DGKG: variants seen among roughly 807,000 people sequenced by gnomAD.
DGKG encodes the protein DAG kinase gamma.
Under a neutral mutation model 105.3 loss-of-function variants are expected in DGKG, and 78 were observed. That is an observed-to-expected ratio of 0.74 (90% CI 0.62 to 0.89). The LOEUF is 0.89. Among genes scored for constraint, DGKG ranks in the 40% least tolerant of loss-of-function variants. DGKG has a pLI of 0.00. For synonymous variants in DGKG, 346 were observed against 367.1 expected (o/e 0.94, Z 0.66); for missense variants, 958 against 1,020.1 (o/e 0.94, Z 0.83).
intron 1 of DGKG, among the ~76,000 whole-genome samples, chr3:186,355,260 A>ACTATCGCCAACTCCCC (rs1553826150): frequency 6.6e-6 from 1 of 151,550 alleles, no homozygotes; most frequent in Non-Finnish European, 1.5e-5. Flanking sequence ...CACCAACACC[A>ACTATCGCCAACTCCCC]ACACCACTAC....
chr3:186,185,823 A>G (rs1717600101), intron 22 of DGKG, among the ~76,000 whole-genome samples: 2 of 152,108 alleles, frequency 1.3e-5, no homozygotes, highest in Non-Finnish European at 2.9e-5. Flanking sequence ...GAGGCCGGGC[A>G]TGGTTCTTCA....
chr3:186,297,631 T>G, intron 4 of DGKG, 148 bp from the exon 5 acceptor site: 1 of 644,036 alleles, frequency 1.6e-6, no homozygotes, highest in Non-Finnish European at 2.8e-6. Context: ...GCTCGCTTAT[T>G]GGGATTGGCT....
In DGKG at chr3:186,269,222, G is replaced by T. The variant is rs1335400619; in HGVS notation, c.1000-305C>A. ...GTCTGGCAGTCCATCTGTTTGTCTT[G>T]CAGAACGCCTTGCAGAGTGATGTGT... On this transcript the variant is annotated intron_variant, in intron 11 of 24. Transcript: ENST00000265022. Among the ~76,000 whole-genome samples the T allele has an allele frequency of 2.0e-5, 3 of 152,256 alleles. 1 individual carries two copies. Among genetic ancestry groups the T allele is most frequent in the African/African-American group, 7.2e-5 (3 of 41,470 alleles).
chr3:186,163,126 C>G (rs1716379845), intron 23 of DGKG, among the ~76,000 whole-genome samples: 1 of 152,160 alleles, frequency 6.6e-6, no homozygotes, highest in Non-Finnish European at 1.5e-5. Flanking sequence ...CTACCTCAAC[C>G]TCCTGAGTAG....
intron 5 of DGKG, among the ~76,000 whole-genome samples, chr3:186,295,887 A>G (rs1029481895): frequency 2.6e-5 from 4 of 152,126 alleles, no homozygotes; most frequent in Admixed American, 2.0e-4. Context: ...TGGGTGGATC[A>G]CTTGAGGTCA....
chr3:186,262,057 T>TA, intron 14 of DGKG: 1 of 333,562 alleles, frequency 3.0e-6, no homozygotes, highest in Non-Finnish European at 5.6e-6. Context: ...TGACGTGGTC[T>TA]TGTACCTACA....
Position 186,270,070 on chromosome 3 carries a change from C to A in DGKG, c.1000-1153G>T, listed in dbSNP as rs181069854. On this transcript the variant is annotated intron_variant, in intron 11 of 24. Transcript: ENST00000265022. ...ACCCTGAAGTGCCTAGCCACAAGCA[C>A]GGTATTAAAAACCCAGGAAATATCT... Among the ~76,000 whole-genome samples, 248 of 152,136 alleles carry A rather than the reference C, an allele frequency of 1.6e-3. 2 individuals carry two copies. Among genetic ancestry groups the A allele is most frequent in the African/African-American group, 5.2e-3 (214 of 41,434 alleles).
At chr3:186,243,151 T>G (rs553628546) in intron 19 of DGKG, among the ~76,000 whole-genome samples, 1 of 151,726 alleles carries the variant, frequency 6.6e-6, no homozygotes, top group African/African-American at 2.4e-5. Flanking sequence ...ATATTAAGTC[T>G]TAACCATCCA....
At chr3:186,273,197 A>G (rs971158777) in intron 10 of DGKG, among the ~76,000 whole-genome samples, 7 of 152,110 alleles carry the variant, frequency 4.6e-5, no homozygotes, top group African/African-American at 1.7e-4. Context: ...TGTGTAAAGC[A>G]TCACGTGTCT....
At chr3:186,304,609 G>A (rs1310058972) in intron 3 of DGKG, among the ~76,000 whole-genome samples, 1 of 152,198 alleles carries the variant, frequency 6.6e-6, no homozygotes, top group Non-Finnish European at 1.5e-5. Flanking sequence ...GCAGGGAAAA[G>A]GGAATTGAGT....
At chr3:186,348,336 T>C (rs1348587446) in intron 1 of DGKG, among the ~76,000 whole-genome samples, 5 of 150,076 alleles carry the variant, frequency 3.3e-5, no homozygotes, top group African/African-American at 1.2e-4. Context: ...CATTTTTTAA[T>C]AAAGGATTTT....
chr3:186,256,130 C>T (rs919509126), intron 17 of DGKG, among the ~76,000 whole-genome samples: 16 of 152,044 alleles, frequency 1.1e-4, no homozygotes, highest in Non-Finnish European at 8.8e-5. Context: ...CCTTGGCTCC[C>T]GGAGGACTCC....
At chr3:186,190,244 C>A (rs990488583) in intron 21 of DGKG, among the ~76,000 whole-genome samples, 3 of 152,208 alleles carry the variant, frequency 2.0e-5, no homozygotes, top group Admixed American at 2.0e-4. Flanking sequence ...TGTCAACTCT[C>A]TTCATCTTCT....
At chr3:186,357,459 A>G (rs1392875851) in intron 1 of DGKG, among the ~76,000 whole-genome samples, 4 of 152,248 alleles carry the variant, frequency 2.6e-5, no homozygotes, top group African/African-American at 9.6e-5. Flanking sequence ...TTGAAATCAT[A>G]TAGACCTGAG....
intron 14 of DGKG, among the ~76,000 whole-genome samples, chr3:186,262,983 CG>C (rs1228030473): frequency 6.6e-6 from 1 of 151,804 alleles, no homozygotes; most frequent in African/African-American, 2.4e-5. Context: ...AAAAATTAGC[CG>C]GGCGTGGTGG....
intron 1 of DGKG, among the ~76,000 whole-genome samples, chr3:186,347,579 AT>A (rs1227691944): frequency 2.7e-5 from 4 of 145,470 alleles, no homozygotes; most frequent in Non-Finnish European, 3.0e-5. Context: ...TTTTTTACGT[AT>A]TTTTTTTCTT....
intron 20 of DGKG, among the ~76,000 whole-genome samples, chr3:186,219,744 GA>G (rs1167681389): frequency 6.7e-6 from 1 of 150,106 alleles, no homozygotes; most frequent in East Asian, 1.9e-4. Flanking sequence ...AAGGGGCTCA[GA>G]AAAAAAAAGG....
intron 21 of DGKG, among the ~76,000 whole-genome samples, chr3:186,197,329 C>T (rs1025529398): frequency 1.3e-5 from 2 of 152,102 alleles, no homozygotes; most frequent in Non-Finnish European, 2.9e-5. Context: ...TGACGGTGGC[C>T]TCCTTTGATG....
At chr3:186,274,957 C>T (rs1466150984) in intron 10 of DGKG, among the ~76,000 whole-genome samples, 3 of 152,114 alleles carry the variant, frequency 2.0e-5, no homozygotes, top group East Asian at 1.9e-4. Flanking sequence ...CTTGAGGAAT[C>T]GCCACACTGT....
Sources: allele counts gnomAD v4.1 joint callset (sites outside exome capture counted in the v4.1 genomes callset), GRCh38; gene constraint gnomAD v4.1.1; transcripts MANE v1.5; gene names NCBI Gene and HGNC (gene_info 2026-07-23, HGNC 2026-07-21).